ATP2C1: variants seen among roughly 807,000 people sequenced by gnomAD.
ATP2C1 encodes ATPase secretory pathway Ca2+ transporting 1.
Under a neutral mutation model 120.5 loss-of-function variants are expected in ATP2C1, and 31 were observed. The observed-to-expected ratio is 0.26, with a 90% CI of 0.19 to 0.35. The LOEUF (loss-of-function observed/expected upper bound fraction) is 0.35, where lower values mean the gene tolerates loss of function less well. Among genes scored for constraint, ATP2C1 ranks in the 10% least tolerant of loss-of-function variants. ATP2C1 has a pLI of 1.00. For synonymous variants in ATP2C1, 351 were observed against 358.7 expected, an observed-to-expected ratio of 0.98 and a Z score of 0.24; for missense variants, 731 against 1,107.5, an observed-to-expected ratio of 0.66 and a Z score of 4.83.
At chr3:130,997,534 A>G in intron 24 of ATP2C1, 72 bp from the exon 25 acceptor site, 2 of 1,372,916 alleles carry the variant, frequency 1.5e-6, no homozygotes. Flanking sequence ...AATTGAGGTT[A>G]GTGAGGTTGT....
intron 2 of ATP2C1, among the ~76,000 whole-genome samples, chr3:130,906,064 C>T (rs2058106556): frequency 1.3e-5 from 2 of 152,010 alleles, no homozygotes; most frequent in Admixed American, 1.3e-4. Flanking sequence ...TAGACCCTGT[C>T]CTTTACTGGG....
In ATP2C1 at chr3:130,931,782, A is replaced by G. The variant is rs74485483; in HGVS notation, c.118-240A>G. ...TTTGACAAATGTAATCACCACCACC[A>G]TTAAGATAGAACATTTTTATCACTC... On this transcript the variant is annotated intron_variant, in intron 3 of 27. Transcript: ENST00000510168. 0.027 allele frequency among the ~76,000 whole-genome samples: 4,103 copies of G among 152,166 alleles called. 189 individuals are homozygous for G. Among genetic ancestry groups the G allele is most frequent in the African/African-American group, 0.093 (3,875 of 41,524 alleles).
chr3:131,001,065 T>TG (rs2062862213), intron 27 of ATP2C1, among the ~76,000 whole-genome samples, 155 bp from the exon 28 acceptor site: 1 of 128,740 alleles, frequency 7.8e-6, no homozygotes, highest in African/African-American at 3.1e-5. Context: ...ATCATGCCAC[T>TG]GCATTCCAGC....
At chr3:130,954,455 A>G (rs1388645436) in intron 9 of ATP2C1, among the ~76,000 whole-genome samples, 2 of 152,198 alleles carry the variant, frequency 1.3e-5, no homozygotes, top group Admixed American at 6.5e-5. Context: ...AAATACTAAT[A>G]TAGGCAAAAA....
exon 27 of ATP2C1, chr3:131,016,356 C>T (rs1282173869): frequency 1.2e-6 from 2 of 1,614,014 alleles, no homozygotes; most frequent in Admixed American, 3.3e-5. Flanking sequence ...AAAGAAACAG[C>T]CCAAGGGCAG....
Position 130,972,617 on chromosome 3 carries a change from T to TCC in ATP2C1, c.1414-2711_1414-2710dup, listed in dbSNP as rs371623203. 1.3e-4 allele frequency among the ~76,000 whole-genome samples: 11 copies of TCC among 87,740 alleles called. 1 individual carries two copies. The highest frequency in any genetic ancestry group is 2.4e-4 in the Non-Finnish European group (11 of 46,414). The allele number at this position is 87,740 out of a possible 152,430, so 57.6% of individuals were successfully genotyped here. On this transcript the variant is annotated intron_variant, in intron 17 of 27. Coordinates refer to ENST00000510168, the MANE Select transcript of ATP2C1 (RefSeq NM_001378687.1). Reference sequence around the variant, plus strand: ...TAGGTATATCTCCTAATGCTATCCCTCCCCCTCCCCCCACCCCACAACAGT... The same window carrying TCC: ...TAGGTATATCTCCTAATGCTATCCCTCCCCCCCTCCCCCCACCCCACAACAGT...
At chr3:130,947,233 C>G in intron 8 of ATP2C1, among the ~76,000 whole-genome samples, 1 of 151,954 alleles carries the variant, frequency 6.6e-6, no homozygotes, top group South Asian at 2.1e-4. Flanking sequence ...GCCAAAAGCA[C>G]TGGTCCATCC....
intron 2 of ATP2C1, among the ~76,000 whole-genome samples, chr3:130,914,634 C>G (rs1030190850): frequency 5.3e-5 from 8 of 152,130 alleles, no homozygotes; most frequent in African/African-American, 1.7e-4. Context: ...CTGCTTTAGC[C>G]TCCTAAGTAG....
chr3:130,861,965 G>T (rs991499918), intron 1 of ATP2C1, among the ~76,000 whole-genome samples: 1 of 151,882 alleles, frequency 6.6e-6, no homozygotes, highest in African/African-American at 2.4e-5. Context: ...TTTTGATTTT[G>T]ATTTTTTAAT....
chr3:130,918,098 G>A, intron 2 of ATP2C1: 2 of 621,342 alleles, frequency 3.2e-6, no homozygotes, highest in Non-Finnish European at 5.9e-6. Flanking sequence ...CAGCCTATCC[G>A]AGTACAGGGT....
intron 1 of ATP2C1, among the ~76,000 whole-genome samples, chr3:130,883,362 TAC>T (rs983905923): frequency 1.3e-5 from 2 of 152,196 alleles, no homozygotes; most frequent in Non-Finnish European, 2.9e-5. Flanking sequence ...TGATCTTTAT[TAC>T]TTCTTTTTTC....
intron 20 of ATP2C1, among the ~76,000 whole-genome samples, chr3:130,992,724 T>A (rs555883108): frequency 6.6e-6 from 1 of 152,362 alleles, no homozygotes; most frequent in South Asian, 2.1e-4. Flanking sequence ...ATAAATTGGA[T>A]GACTTGTTTA....
At chr3:130,922,333 A>G (rs2059008014) in intron 2 of ATP2C1, among the ~76,000 whole-genome samples, 1 of 151,664 alleles carries the variant, frequency 6.6e-6, no homozygotes, top group South Asian at 2.1e-4. Flanking sequence ...AATTGAGCTT[A>G]TTTGGATCTT....
chr3:130,850,803 C>A, exon 1 of ATP2C1: 1 of 1,282,016 alleles, frequency 7.8e-7, no homozygotes, highest in South Asian at 1.6e-5. Flanking sequence ...AGACAAGGAC[C>A]CTCTTGCTTT....
intron 1 of ATP2C1, among the ~76,000 whole-genome samples, chr3:130,865,836 A>G (rs1485509679): frequency 2.6e-5 from 4 of 152,234 alleles, no homozygotes; most frequent in Admixed American, 2.6e-4. Context: ...TTTCAGCAGC[A>G]TCAAAACAGA....
chr3:130,921,674 T>G (rs2058973742), intron 2 of ATP2C1, among the ~76,000 whole-genome samples: 1 of 152,216 alleles, frequency 6.6e-6, no homozygotes, highest in Non-Finnish European at 1.5e-5. Flanking sequence ...TTGATTTTTG[T>G]CAGATGCTTT....
chr3:130,873,733 T>G (rs1211843088), intron 1 of ATP2C1, among the ~76,000 whole-genome samples: 1 of 152,176 alleles, frequency 6.6e-6, no homozygotes, highest in Non-Finnish European at 1.5e-5. Flanking sequence ...AAGAAAAGAC[T>G]ATAGTATACT....
At chr3:130,949,769 G>A (rs966543592) in intron 8 of ATP2C1, among the ~76,000 whole-genome samples, 11 of 143,092 alleles carry the variant, frequency 7.7e-5, no homozygotes, top group African/African-American at 2.5e-4. Flanking sequence ...GTGTTAGTAA[G>A]TTAAATACAT....
At chr3:130,850,749 A>C in exon 1 of ATP2C1, 2 of 683,924 alleles carry the variant, frequency 2.9e-6, no homozygotes, top group Non-Finnish European at 4.6e-6. Flanking sequence ...CATCTGAGGA[A>C]TTGCTAAGTT....
Sources: allele counts gnomAD v4.1 joint callset (sites outside exome capture counted in the v4.1 genomes callset), GRCh38; gene constraint gnomAD v4.1.1; transcripts MANE v1.5; gene names NCBI Gene and HGNC (gene_info 2026-07-23, HGNC 2026-07-21).